The following FGF12 variants were observed in gnomAD, a reference collection of about 807,000 sequenced individuals.
The protein encoded by FGF12 is fibroblast growth factor 12.
FGF12 carries 14 observed loss-of-function variants against 23.6 expected under a neutral mutation model. That is an observed-to-expected ratio of 0.59 (90% CI 0.39 to 0.93). FGF12 has a LOEUF of 0.93. Among genes scored for constraint, FGF12 ranks in the 40% least tolerant of loss-of-function variants. The pLI is 0.00. For missense variants in FGF12, 175 were observed against 217.8 expected (o/e 0.80, Z 1.24); for synonymous variants, 62 against 77.3 (o/e 0.80, Z 1.04).
intron 4 of FGF12, among the ~76,000 whole-genome samples, chr3:192,233,575 GT>G (rs1170334832): frequency 6.6e-6 from 1 of 152,032 alleles, no homozygotes. Context: ...ATCCATTTTT[GT>G]TTTTGTTGCA....
In FGF12 at chr3:192,644,132, C is replaced by G. The variant is rs1327356758; in HGVS notation, c.13+83049G>C. ...ATCCCCGTTTGATCATATTGCTTCC[C>G]TAACAATTTTTTTTAGTTGGTGATG... On this transcript the variant is annotated intron_variant, in intron 2 of 5. Coordinates refer to ENST00000445105, the MANE Select transcript of FGF12 (RefSeq NM_004113.6). Among the ~76,000 whole-genome samples the G allele has an allele frequency of 2.6e-5, 4 of 152,298 alleles. No homozygotes were observed. In the East Asian group the frequency reaches 7.7e-4, roughly 29 times the overall value.
intron 4 of FGF12, among the ~76,000 whole-genome samples, chr3:192,221,481 T>C (rs1421545592): frequency 6.6e-6 from 1 of 152,172 alleles, no homozygotes; most frequent in Non-Finnish European, 1.5e-5. Flanking sequence ...AGGGATGTGA[T>C]CAGTATCTTT....
At chr3:192,232,704 C>A (rs923768393) in intron 4 of FGF12, among the ~76,000 whole-genome samples, 3 of 151,954 alleles carry the variant, frequency 2.0e-5, no homozygotes, top group African/African-American at 7.3e-5. Context: ...CCTCCTCCTA[C>A]CCTCCACCTT....
intron 4 of FGF12, among the ~76,000 whole-genome samples, chr3:192,269,716 C>T (rs1470419262): frequency 6.6e-6 from 1 of 152,138 alleles, no homozygotes; most frequent in Non-Finnish European, 1.5e-5. Flanking sequence ...AATGGCCACA[C>T]AATATTTCTT....
At chr3:192,534,623 C>T (rs113210583) in intron 2 of FGF12, among the ~76,000 whole-genome samples, 1 of 152,082 alleles carries the variant, frequency 6.6e-6, no homozygotes, top group African/African-American at 2.4e-5. Flanking sequence ...AACTCCTGAC[C>T]TCAAGAGATC....
chr3:192,287,880 A>G (rs531891163), intron 4 of FGF12, among the ~76,000 whole-genome samples: 16 of 152,238 alleles, frequency 1.1e-4, no homozygotes, highest in East Asian at 7.7e-4. Flanking sequence ...ACACAAACAC[A>G]TTAGAGCAGA....
intron 2 of FGF12, among the ~76,000 whole-genome samples, chr3:192,378,570 T>C (rs899539691): frequency 2.6e-5 from 4 of 152,278 alleles, no homozygotes; most frequent in Admixed American, 6.5e-5. Flanking sequence ...AGGGATTCAT[T>C]TTCGTCATTT....
chr3:192,253,137 G>A (rs1314623959), intron 4 of FGF12, among the ~76,000 whole-genome samples: 2 of 152,110 alleles, frequency 1.3e-5, no homozygotes, highest in Non-Finnish European at 2.9e-5. Context: ...TGGATGAGGA[G>A]ATATGGTTTG....
chr3:192,239,371 C>T (rs935168932), intron 4 of FGF12, among the ~76,000 whole-genome samples: 1 of 152,172 alleles, frequency 6.6e-6, no homozygotes, highest in African/African-American at 2.4e-5. Context: ...TGATCTCTTA[C>T]ACTGAATTGT....
At chr3:192,207,734 G>A (rs1717728881) in intron 4 of FGF12, among the ~76,000 whole-genome samples, 1 of 152,196 alleles carries the variant, frequency 6.6e-6, no homozygotes, top group African/African-American at 2.4e-5. Context: ...TAGCAGGGCA[G>A]TGAAATGAGT....
At chr3:192,632,466 C>T (rs926639277) in intron 2 of FGF12, among the ~76,000 whole-genome samples, 3 of 152,110 alleles carry the variant, frequency 2.0e-5, no homozygotes, top group African/African-American at 4.8e-5. Flanking sequence ...GCTTCAAATG[C>T]CAAGCAGGTA....
At chr3:192,415,298 G>A (rs560576063) in intron 2 of FGF12, among the ~76,000 whole-genome samples, 7 of 152,134 alleles carry the variant, frequency 4.6e-5, no homozygotes, top group East Asian at 1.9e-4. Context: ...AGAGAAACTC[G>A]GCTAGAAGAT....
chr3:192,518,872 TC>T (rs1724744770), intron 2 of FGF12, among the ~76,000 whole-genome samples: 1 of 152,170 alleles, frequency 6.6e-6, no homozygotes, highest in South Asian at 2.1e-4. Flanking sequence ...TATTTCTTTT[TC>T]CTTCCCCTCC....
Position 192,148,971 on chromosome 3 carries a change from A to G in FGF12, c.428-4844T>C, listed in dbSNP as rs1426160197. 2.0e-5 allele frequency among the ~76,000 whole-genome samples: 3 copies of G among 152,172 alleles called. No homozygotes were observed. In the East Asian group the frequency reaches 5.8e-4, roughly 29 times the overall value. On this transcript the variant is annotated intron_variant, in intron 5 of 5. Transcript: ENST00000445105. ...AAAAATAAACACTACAGGACTGGGT[A>G]AAATAGGGAGGTGATGACGAATAAG...
At chr3:192,269,190 G>C (rs890415354) in intron 4 of FGF12, among the ~76,000 whole-genome samples, 1 of 152,136 alleles carries the variant, frequency 6.6e-6, no homozygotes, top group Non-Finnish European at 1.5e-5. Flanking sequence ...AAAGTGCTGA[G>C]ATTACAGGCA....
At chr3:192,440,192 A>C in intron 2 of FGF12, among the ~76,000 whole-genome samples, 1 of 152,186 alleles carries the variant, frequency 6.6e-6, no homozygotes. Flanking sequence ...TGGTCTTTGT[A>C]GACCATTAAA....
intron 4 of FGF12, among the ~76,000 whole-genome samples, chr3:192,212,067 T>C (rs973547163): frequency 1.3e-5 from 2 of 152,206 alleles, no homozygotes; most frequent in African/African-American, 4.8e-5. Context: ...AACTTCTTTT[T>C]CAAATGCATC....
intron 2 of FGF12, among the ~76,000 whole-genome samples, chr3:192,648,481 GATT>G (rs1277272512): frequency 3.0e-5 from 3 of 98,870 alleles, no homozygotes; most frequent in East Asian, 7.2e-4. Context: ...AGACTATTTA[GATT>G]TTTTTTTTTT....
At chr3:192,617,203 A>T (rs1714790758) in intron 2 of FGF12, among the ~76,000 whole-genome samples, 1 of 152,112 alleles carries the variant, frequency 6.6e-6, no homozygotes, top group Non-Finnish European at 1.5e-5. Flanking sequence ...AAGCTTTTAA[A>T]TTTCAGACTT....
Sources: gnomAD v4.1 joint callset for allele counts (sites outside exome capture counted in the v4.1 genomes callset) on GRCh38, gnomAD v4.1.1 for gene constraint, MANE v1.5 for transcripts, NCBI Gene and HGNC (gene_info 2026-07-23, HGNC 2026-07-21) for gene names.